SH3GL3: variants seen among roughly 807,000 people sequenced by gnomAD.
SH3GL3 encodes the protein endophilin-A3.
A neutral mutation model predicts 47.7 loss-of-function variants in SH3GL3; 33 were observed. The ratio of observed to expected loss-of-function variants is 0.69; its 90% confidence interval spans 0.52 to 0.92. The LOEUF (loss-of-function observed/expected upper bound fraction) is 0.92. SH3GL3 is among the 40% of genes least tolerant of loss of function. SH3GL3 has a pLI of 0.00. For missense variants in SH3GL3, 363 were observed against 417.8 expected (o/e 0.87, Z 1.14); for synonymous variants, 155 against 148.8 (o/e 1.04, Z -0.30).
chr15:83,471,077 T>G (rs1157441599), intron 1 of SH3GL3, among the ~76,000 whole-genome samples: 2 of 152,230 alleles, frequency 1.3e-5, no homozygotes, highest in Non-Finnish European at 2.9e-5. Context: ...ATATTTTTGC[T>G]TATCATGTAC....
chr15:83,500,016 G>T (rs915555304), intron 1 of SH3GL3, among the ~76,000 whole-genome samples: 12 of 152,168 alleles, frequency 7.9e-5, no homozygotes, highest in African/African-American at 2.4e-4. Context: ...AAGGGAGAGG[G>T]TCGGGAAGTC....
rs558929408 is a variant in SH3GL3, at chr15:83,490,272, T to G, written c.45+42694T>G. ...CCCCTTTAGTGATTTTGCGTTTTTT[T>G]TTTTTTTTTTTCCGCTGACCCTCAT... On this transcript the variant is annotated intron_variant, in intron 1 of 8. Transcript: ENST00000427482. Among the ~76,000 whole-genome samples the G allele has an allele frequency of 6.4e-3, 977 of 151,640 alleles. 3 individuals carry two copies. Among genetic ancestry groups the G allele is most frequent in the Middle Eastern group, 0.021 (6 of 292 alleles).
chr15:83,524,954 T>A (rs1183400127), intron 1 of SH3GL3, among the ~76,000 whole-genome samples: 1 of 152,216 alleles, frequency 6.6e-6, no homozygotes, highest in East Asian at 1.9e-4. Flanking sequence ...TTGTTAATGG[T>A]GTTGCAGTAA....
chr15:83,504,537 G>A (rs1488768425), intron 1 of SH3GL3, among the ~76,000 whole-genome samples: 8 of 152,232 alleles, frequency 5.3e-5, no homozygotes, highest in Non-Finnish European at 1.2e-4. Context: ...TCACTCTGGG[G>A]GAAGCCAGTT....
chr15:83,494,431 G>A (rs1444340587), intron 1 of SH3GL3, among the ~76,000 whole-genome samples: 1 of 152,204 alleles, frequency 6.6e-6, no homozygotes, highest in Non-Finnish European at 1.5e-5. Context: ...CTGTGCTGAA[G>A]CAAGTTCTTC....
At chr15:83,581,294 A>G (rs1290509548) in intron 6 of SH3GL3, among the ~76,000 whole-genome samples, 1 of 152,148 alleles carries the variant, frequency 6.6e-6, no homozygotes, top group Non-Finnish European at 1.5e-5. Context: ...GTGGTTGTTC[A>G]CTGTCCTCAC....
intron 1 of SH3GL3, among the ~76,000 whole-genome samples, chr15:83,486,948 C>T (rs370906563): frequency 6.6e-6 from 1 of 151,660 alleles, no homozygotes; most frequent in Non-Finnish European, 1.5e-5. Flanking sequence ...GCACACCGGC[C>T]CCATCATGGG....
intron 2 of SH3GL3, among the ~76,000 whole-genome samples, chr15:83,559,790 T>C (rs775419789): frequency 1.2e-4 from 18 of 152,154 alleles, no homozygotes; most frequent in Non-Finnish European, 2.4e-4. Flanking sequence ...AGAACCAGAG[T>C]GTGAACTTGG....
intron 1 of SH3GL3, among the ~76,000 whole-genome samples, chr15:83,484,088 A>T (rs2041489819): frequency 1.3e-5 from 2 of 152,128 alleles, no homozygotes; most frequent in Non-Finnish European, 2.9e-5. Context: ...TCCACTACTG[A>T]TTGTATCTTT....
At chr15:83,526,496 G>C (rs2043426468) in intron 1 of SH3GL3, among the ~76,000 whole-genome samples, 1 of 152,174 alleles carries the variant, frequency 6.6e-6, no homozygotes, top group Non-Finnish European at 1.5e-5. Context: ...AAAAAAGAGT[G>C]AGATCATGTC....
chr15:83,466,605 G>T (rs983980787), intron 1 of SH3GL3, among the ~76,000 whole-genome samples: 1 of 152,158 alleles, frequency 6.6e-6, no homozygotes, highest in Non-Finnish European at 1.5e-5. Flanking sequence ...CGCTGAATCT[G>T]TTTAGGTTTT....
At chr15:83,460,115 T>C (rs1043385864) in intron 1 of SH3GL3, among the ~76,000 whole-genome samples, 3 of 142,652 alleles carry the variant, frequency 2.1e-5, no homozygotes, top group African/African-American at 7.8e-5. Flanking sequence ...CCTTCCTTCC[T>C]TCCTTGACAG....
intron 5 of SH3GL3, among the ~76,000 whole-genome samples, chr15:83,576,160 T>C (rs1396404676): frequency 4.6e-5 from 7 of 152,220 alleles, no homozygotes; most frequent in Non-Finnish European, 8.8e-5. Context: ...TGTGATTTTA[T>C]AGTCTACTAC....
intron 1 of SH3GL3, among the ~76,000 whole-genome samples, chr15:83,510,057 A>C (rs2042683501): frequency 6.6e-6 from 1 of 151,242 alleles, no homozygotes; most frequent in African/African-American, 2.4e-5. Context: ...CTGAGGGAAA[A>C]ACAGAAGAGA....
At chr15:83,479,689 G>A (rs1278666713) in intron 1 of SH3GL3, among the ~76,000 whole-genome samples, 1 of 152,140 alleles carries the variant, frequency 6.6e-6, no homozygotes, top group Admixed American at 6.5e-5. Context: ...AAGGCCTCCA[G>A]ACTGAAGGTT....
At chr15:83,476,316 A>C (rs1203489338) in intron 1 of SH3GL3, among the ~76,000 whole-genome samples, 1 of 152,206 alleles carries the variant, frequency 6.6e-6, no homozygotes, top group East Asian at 1.9e-4. Flanking sequence ...CGCATGAGAT[A>C]AATATTTGTG....
At chr15:83,493,138 A>G (rs1169447041) in intron 1 of SH3GL3, among the ~76,000 whole-genome samples, 1 of 152,102 alleles carries the variant, frequency 6.6e-6, no homozygotes, top group Non-Finnish European at 1.5e-5. Context: ...TATTTTTTTA[A>G]AAAAGAGTGC....
intron 1 of SH3GL3, among the ~76,000 whole-genome samples, chr15:83,475,936 C>T (rs2041075107): frequency 6.6e-6 from 1 of 152,180 alleles, no homozygotes; most frequent in Admixed American, 6.5e-5. Context: ...ATTTTATCTT[C>T]ATATCCAGGA....
chr15:83,537,775 T>C (rs1291969292), intron 1 of SH3GL3, among the ~76,000 whole-genome samples: 1 of 152,212 alleles, frequency 6.6e-6, no homozygotes, highest in South Asian at 2.1e-4. Flanking sequence ...CTCAGCTCTC[T>C]AATCCCATCT....
Sources: allele counts gnomAD v4.1 joint callset (sites outside exome capture counted in the v4.1 genomes callset), GRCh38; gene constraint gnomAD v4.1.1; transcripts MANE v1.5; gene names NCBI Gene and HGNC (gene_info 2026-07-23, HGNC 2026-07-21).